Variants in PCDHGB2 observed in about 807,000 individuals in gnomAD.
PCDHGB2 encodes the protein protocadherin gamma subfamily B, 2.
Under a neutral mutation model 59.3 loss-of-function variants are expected in PCDHGB2, and 55 were observed. The ratio of observed to expected loss-of-function variants is 0.93; its 90% CI spans 0.75 to 1.16. The LOEUF is 1.16. Ranked by LOEUF, PCDHGB2 falls within the 50% of genes most tolerant of loss-of-function variation. The pLI is 0.00. For missense variants in PCDHGB2, 1,228 were observed against 1,198.5 expected (o/e 1.02, Z -0.36); for synonymous variants, 516 against 512.0 (o/e 1.01, Z -0.11).
At chr5:141,467,055 C>CTTTTTTTTTTTT (rs1193465269) in intron 1 of PCDHGB2, among the ~76,000 whole-genome samples, 1 of 134,498 alleles carries the variant, frequency 7.4e-6, no homozygotes. Context: ...TCAATGTTTT[C>CTTTTTTTTTTTT]TTTTTTTTTT....
chr5:141,454,081 T>C (rs1009599234), intron 1 of PCDHGB2, among the ~76,000 whole-genome samples: 2 of 152,198 alleles, frequency 1.3e-5, no homozygotes, highest in African/African-American at 4.8e-5. Flanking sequence ...ATGTTTTCAG[T>C]GAAATTTGAA....
chr5:141,404,490 T>A (rs748668164), intron 1 of PCDHGB2: 6 of 1,613,632 alleles, frequency 3.7e-6, no homozygotes, highest in Non-Finnish European at 5.1e-6. Flanking sequence ...GACACTGGTG[T>A]GCTGTATGCT....
chr5:141,374,906 G>A (rs1200666906), intron 1 of PCDHGB2: 5 of 1,613,650 alleles, frequency 3.1e-6, no homozygotes, highest in South Asian at 2.2e-5. Context: ...AGGAGTCCAC[G>A]GGGAAGTAAC....
intron 3 of PCDHGB2, among the ~76,000 whole-genome samples, chr5:141,508,752 C>G (rs2099871515): frequency 6.6e-6 from 1 of 152,028 alleles, no homozygotes. Flanking sequence ...CGCTCTTTCT[C>G]TGGCGCCTCT....
At chr5:141,410,191 C>G in intron 1 of PCDHGB2, 2 of 1,613,994 alleles carry the variant, frequency 1.2e-6, no homozygotes, top group Non-Finnish European at 1.7e-6. Context: ...TTCATCTGGT[C>G]TTCGCAGACA....
In PCDHGB2 at chr5:141,389,374, G is replaced by A. The variant is rs192606668; in HGVS notation, c.2421+26818G>A. On this transcript the variant is annotated intron_variant, in intron 1 of 3. Coordinates refer to ENST00000522605, the MANE Select transcript of PCDHGB2 (RefSeq NM_018923.3). Reference sequence around the variant, plus strand: ...ATCATGGCCAGTGACCTGGAGCAGCGGGAGCTGTCATCCTACGTGTCCATA... The same window carrying A: ...ATCATGGCCAGTGACCTGGAGCAGCAGGAGCTGTCATCCTACGTGTCCATA... 1,030 of 1,613,784 alleles carry A rather than the reference G, an allele frequency of 6.4e-4. 16 individuals are homozygous for A. The East Asian group carries it at 0.021, about 33-fold the overall frequency.
intron 1 of PCDHGB2, chr5:141,372,230 C>A (rs781407090): frequency 6.2e-7 from 1 of 1,613,346 alleles, no homozygotes; most frequent in Non-Finnish European, 8.5e-7. Context: ...TGCAGGCCAG[C>A]GAGCCCGGGC....
rs1345849371 is a variant in PCDHGB2 at position 141,362,707 on chromosome 5, G to A, written c.2421+151G>A. On this transcript the variant is annotated intron_variant, in intron 1 of 3. Coordinates refer to ENST00000522605, the MANE Select transcript of PCDHGB2 (RefSeq NM_018923.3). Reference sequence around the variant, plus strand: ...AATCTTATCTAACTGAATTTTAAGTGTTTTCTCTCTGAAGTGTGAGATTTA... The same window carrying A: ...AATCTTATCTAACTGAATTTTAAGTATTTTCTCTCTGAAGTGTGAGATTTA... The A allele has an allele frequency of 1.5e-5, 15 of 973,906 alleles. No individual in the cohort carries two copies. The South Asian group carries it at 2.3e-4, about 15-fold the overall frequency. The allele number at this position is 973,906 out of a possible 1,614,324, so 60.3% of individuals were successfully genotyped here.
At chr5:141,421,407 G>T in intron 1 of PCDHGB2, 1 of 1,614,076 alleles carries the variant, frequency 6.2e-7, no homozygotes. Flanking sequence ...CCCGGGAGCT[G>T]GCGAAGCGCG....
chr5:141,404,490 T>G lies in PCDHGB2; in HGVS notation c.2421+41934T>G, dbSNP rs748668164. On this transcript the variant is annotated intron_variant, in intron 1 of 3. Transcript: ENST00000522605. Reference sequence around the variant, plus strand: ...GTCTCTATTAACTCAGACACTGGTGTGCTGTATGCTCTGTGCTCCTTTGAC... The same window carrying G: ...GTCTCTATTAACTCAGACACTGGTGGGCTGTATGCTCTGTGCTCCTTTGAC... 10 of 1,613,632 alleles carry G rather than the reference T, an allele frequency of 6.2e-6. No homozygotes were observed. The Admixed American group carries it at 1.2e-4, about 19-fold the overall frequency.
intron 1 of PCDHGB2, chr5:141,371,871 G>A (rs1298727306): frequency 1.9e-6 from 3 of 1,613,400 alleles, no homozygotes; most frequent in African/African-American, 2.7e-5. Flanking sequence ...CTACATCGTG[G>A]CCAGTGACCT....
At chr5:141,410,715 GTT>G (rs2154543204) in intron 1 of PCDHGB2, 19 of 1,422,782 alleles carry the variant, frequency 1.3e-5, no homozygotes, top group Non-Finnish European at 1.8e-5. Context: ...AGAATCATAT[GTT>G]TAAAATCCAT....
At chr5:141,419,155 A>G in intron 1 of PCDHGB2, 1 of 1,613,966 alleles carries the variant, frequency 6.2e-7, no homozygotes, top group Middle Eastern at 1.6e-4. Context: ...AGCCTCCGTT[A>G]TCCTCCAGCA....
At chr5:141,408,438 C>G (rs749271632) in intron 1 of PCDHGB2, 8 of 1,613,896 alleles carry the variant, frequency 5.0e-6, no homozygotes, top group Non-Finnish European at 5.9e-6. Flanking sequence ...AGCGTAGACG[C>G]GGAGAGCGGG....
rs1442570663 is a variant in PCDHGB2, at chr5:141,438,613, TATATATATATATATATATATATACACAC to T, written c.2422-56192_2422-56165del. On this transcript the variant is annotated intron_variant, in intron 1 of 3. Transcript: ENST00000522605. Reference sequence around the variant, plus strand: ...ATACATATATATATATATATATATATATATATATATATATATATATATACACACACACACACACATATATGTATATATA... The same window carrying T: ...ATACATATATATATATATATATATATACACACACACATATATGTATATATA... Among the ~76,000 whole-genome samples, 243 of 36,492 alleles carry T rather than the reference TATATATATATATATATATATATACACAC, an allele frequency of 6.7e-3. 7 individuals are homozygous for T. The highest frequency in any genetic ancestry group is 0.033 in the East Asian group (37 of 1,124). The allele number at this position is 36,492 out of a possible 152,430, so 23.9% of individuals were successfully genotyped here.
rs749645155 is a variant in PCDHGB2 at position 141,414,214 on chromosome 5, A to G, written c.2421+51658A>G. On this transcript the variant is annotated intron_variant, in intron 1 of 3. Transcript: ENST00000522605. ...GATTACAGTAGAAGATGTAAATGAC[A>G]ACAGTCCAGAGCTGACCATCACGTC... 6.2e-6 allele frequency: 10 copies of G among 1,613,126 alleles called. No homozygotes were observed. The South Asian group carries it at 9.9e-5, about 16-fold the overall frequency.
At chr5:141,419,889 A>T in intron 1 of PCDHGB2, 1 of 1,614,084 alleles carries the variant, frequency 6.2e-7, no homozygotes, top group Middle Eastern at 1.6e-4. Flanking sequence ...GATTTCAGCG[A>T]CCATCCCACA....
At chr5:141,366,100 G>A (rs1380197041) in intron 1 of PCDHGB2, 1 of 1,614,140 alleles carries the variant, frequency 6.2e-7, no homozygotes, top group Non-Finnish European at 8.5e-7. Flanking sequence ...TGGTGACCAA[G>A]GTGGTAGCGG....
intron 1 of PCDHGB2, chr5:141,405,031 CGTT>C: frequency 6.2e-7 from 1 of 1,613,968 alleles, no homozygotes; most frequent in Admixed American, 1.7e-5. Flanking sequence ...CCCTCTACCT[CGTT>C]GTGGCTGTGG....
Sources: allele counts gnomAD v4.1 joint callset (sites outside exome capture counted in the v4.1 genomes callset), GRCh38; gene constraint gnomAD v4.1.1; transcripts MANE v1.5; gene names NCBI Gene and HGNC (gene_info 2026-07-23, HGNC 2026-07-21).